The following CNTN3 variants were observed in gnomAD, a reference collection of about 807,000 sequenced individuals.
CNTN3 encodes contactin 3, also known as contactin-3.
A neutral mutation model predicts 119.1 loss-of-function variants in CNTN3; 60 were observed. The observed-to-expected ratio is 0.50, with a 90% CI of 0.41 to 0.62. CNTN3 has a LOEUF of 0.62. Ranked by LOEUF, CNTN3 falls within the 20% of genes least tolerant of loss-of-function variation. The probability of loss-of-function intolerance (pLI) is 0.00; values close to 1 mark genes in which losing one functional copy is unlikely to be tolerated. For synonymous variants in CNTN3, 450 were observed against 438.7 expected (o/e 1.03, Z -0.32); for missense variants, 1,101 against 1,242.4 (o/e 0.89, Z 1.71).
At chr3:74,580,414 A>G (rs1704485656) in intron 1 of CNTN3, among the ~76,000 whole-genome samples, 1 of 152,192 alleles carries the variant, frequency 6.6e-6, no homozygotes, top group Non-Finnish European at 1.5e-5. Flanking sequence ...CCAAAAAGCT[A>G]ACAAATATTA....
rs146460932 is a variant in CNTN3 at position 74,514,239 on chromosome 3, T to C, written c.55+6819A>G. Among the ~76,000 whole-genome samples the C allele has an allele frequency of 2.5e-3, 388 of 152,246 alleles. 2 individuals are homozygous for C. Among genetic ancestry groups the C allele is most frequent in the African/African-American group, 8.8e-3 (366 of 41,574 alleles). ...TGGTAGTGATAATATGCTCCAATAA[T>C]TGTCAACAATTTGACAGACCAAGGA... On this transcript the variant is annotated intron_variant, in intron 2 of 22. Coordinates refer to ENST00000263665, the MANE Select transcript of CNTN3 (RefSeq NM_020872.3).
chr3:74,417,287 A>C (rs1327215049), intron 5 of CNTN3, among the ~76,000 whole-genome samples: 1 of 152,148 alleles, frequency 6.6e-6, no homozygotes, highest in Non-Finnish European at 1.5e-5. Context: ...CTGCAAACTG[A>C]ACTCAGTACT....
chr3:74,447,372 T>C (rs568096611), intron 4 of CNTN3, among the ~76,000 whole-genome samples: 1 of 152,236 alleles, frequency 6.6e-6, no homozygotes, highest in South Asian at 2.1e-4. Context: ...TTGCCTCCCA[T>C]TAGCTAAAAC....
intron 1 of CNTN3, among the ~76,000 whole-genome samples, chr3:74,606,800 C>A (rs959545914): frequency 3.9e-5 from 6 of 152,006 alleles, no homozygotes; most frequent in African/African-American, 1.4e-4. Flanking sequence ...TATAACGAAA[C>A]CCATATATTA....
intron 2 of CNTN3, among the ~76,000 whole-genome samples, chr3:74,507,955 G>A (rs1703294416): frequency 6.6e-6 from 1 of 152,028 alleles, no homozygotes; most frequent in South Asian, 2.1e-4. Flanking sequence ...TCTTAAGTGA[G>A]GATCCTGATT....
In CNTN3 at chr3:74,331,570, C is replaced by A. The variant is rs142476281; in HGVS notation, c.1668+3165G>T. Among the ~76,000 whole-genome samples the A allele has an allele frequency of 4.5e-3, 682 of 152,270 alleles. 2 individuals carry two copies. The highest frequency in any genetic ancestry group is 0.016 in the African/African-American group (651 of 41,552). ...GACTCACTCACCCATGGGCATCAAC[C>A]AGCAAACAACAGCACCCAGAACTCT... On this transcript the variant is annotated intron_variant, in intron 13 of 22. Coordinates refer to ENST00000263665, the MANE Select transcript of CNTN3 (RefSeq NM_020872.3).
At chr3:74,454,267 G>A (rs1702219119) in intron 4 of CNTN3, among the ~76,000 whole-genome samples, 1 of 134,442 alleles carries the variant, frequency 7.4e-6, no homozygotes, top group South Asian at 2.8e-4. Context: ...ATTATGTAAT[G>A]GCCTTCTTTG....
chr3:74,524,137 C>T lies in CNTN3; in HGVS notation c.-80-2945G>A, dbSNP rs150338666. 5.9e-5 allele frequency among the ~76,000 whole-genome samples: 9 copies of T among 151,998 alleles called. No individual in the cohort carries two copies. The South Asian group carries it at 1.0e-3, about 18-fold the overall frequency. ...AAAGAAGGTGATTGTTTTCAAAAAACGTTATCTTCCCAACAATCCATCCCC... is the reference window on the plus strand; with the variant it reads ...AAAGAAGGTGATTGTTTTCAAAAAATGTTATCTTCCCAACAATCCATCCCC... On this transcript the variant is annotated intron_variant, in intron 1 of 22. Transcript: ENST00000263665.
At chr3:74,387,623 G>C (rs1704783492) in intron 5 of CNTN3, among the ~76,000 whole-genome samples, 1 of 152,220 alleles carries the variant, frequency 6.6e-6, no homozygotes, top group Admixed American at 6.5e-5. Context: ...CAGTGATTTG[G>C]AGTTCTATTT....
At chr3:74,612,132 A>T (rs1229327763) in intron 1 of CNTN3, among the ~76,000 whole-genome samples, 1 of 152,186 alleles carries the variant, frequency 6.6e-6, no homozygotes, top group African/African-American at 2.4e-5. Context: ...TGGACACTTA[A>T]ATTTTGCAGT....
chr3:74,572,523 A>G (rs977343464), intron 1 of CNTN3, among the ~76,000 whole-genome samples: 3 of 152,122 alleles, frequency 2.0e-5, no homozygotes, highest in Non-Finnish European at 4.4e-5. Flanking sequence ...AAAAAGGAAA[A>G]CGCAAAATGG....
At chr3:74,594,665 A>C (rs961709828) in intron 1 of CNTN3, among the ~76,000 whole-genome samples, 2 of 152,050 alleles carry the variant, frequency 1.3e-5, no homozygotes, top group African/African-American at 4.8e-5. Flanking sequence ...CATGGTGTAT[A>C]TGTGCCACAT....
At chr3:74,266,153 C>A (rs1688593895) in intron 22 of CNTN3, among the ~76,000 whole-genome samples, 1 of 151,920 alleles carries the variant, frequency 6.6e-6, no homozygotes, top group Admixed American at 6.6e-5. Context: ...TATTAAAGAT[C>A]TAAAAGAAAT....
intron 13 of CNTN3, among the ~76,000 whole-genome samples, chr3:74,314,045 G>A (rs140036601): frequency 9.3e-4 from 142 of 152,292 alleles, no homozygotes; most frequent in African/African-American, 3.3e-3. Context: ...ATTCATGAGG[G>A]CTTTACCCCA....
chr3:74,435,010 TGTTA>T (rs1185875453), intron 4 of CNTN3, among the ~76,000 whole-genome samples: 2 of 152,180 alleles, frequency 1.3e-5, no homozygotes, highest in Non-Finnish European at 2.9e-5. Context: ...ACTTCCCTGT[TGTTA>T]TTCTCTCAAA....
chr3:74,328,951 G>GAAA (rs1703195170), intron 13 of CNTN3, among the ~76,000 whole-genome samples: 1 of 152,176 alleles, frequency 6.6e-6, no homozygotes, highest in Non-Finnish European at 1.5e-5. Context: ...GATACAAAAT[G>GAAA]TATAATATAG....
chr3:74,534,276 T>TA (rs1456796496), intron 1 of CNTN3, among the ~76,000 whole-genome samples: 3 of 151,958 alleles, frequency 2.0e-5, no homozygotes, highest in African/African-American at 4.8e-5. Flanking sequence ...TCACCCAACT[T>TA]AAAAAAATCA....
intron 3 of CNTN3, among the ~76,000 whole-genome samples, chr3:74,496,192 C>T (rs570832692): frequency 2.3e-3 from 357 of 152,242 alleles, no homozygotes; most frequent in Middle Eastern, 6.8e-3. Flanking sequence ...GTTGGAAACA[C>T]AAGGCCCACA....
chr3:74,526,756 G>A (rs908605861), intron 1 of CNTN3, among the ~76,000 whole-genome samples: 7 of 151,732 alleles, frequency 4.6e-5, no homozygotes, highest in African/African-American at 9.7e-5. Flanking sequence ...GGTGAATGCC[G>A]GCTGGAAGTC....
Sources: allele counts gnomAD v4.1 joint callset (sites outside exome capture counted in the v4.1 genomes callset), GRCh38; gene constraint gnomAD v4.1.1; transcripts MANE v1.5; gene names NCBI Gene and HGNC (gene_info 2026-07-23, HGNC 2026-07-21).